Variants in DECR1 observed in about 807,000 individuals in gnomAD.
DECR1 encodes the protein 2,4-dienoyl-CoA reductase 1, also known as 2,4-dienoyl-CoA reductase [(3E)-enoyl-CoA-producing], mitochondrial.
Under a neutral mutation model 38.8 loss-of-function variants are expected in DECR1, and 44 were observed. That is an observed-to-expected ratio of 1.13 (90% confidence interval 0.89 to 1.46). The LOEUF is 1.46. Ranked by LOEUF, DECR1 falls within the 40% of genes most tolerant of loss-of-function variation. DECR1 has a pLI of 0.00. For missense variants in DECR1, 428 were observed against 405.5 expected (o/e 1.06, Z -0.48); for synonymous variants, 148 against 135.2 (o/e 1.09, Z -0.66).
At chr8:90,018,404 G>T (rs1813062814) in intron 2 of DECR1, among the ~76,000 whole-genome samples, 1 of 152,154 alleles carries the variant, frequency 6.6e-6, no homozygotes, top group Non-Finnish European at 1.5e-5. Flanking sequence ...AAGCCAAGTA[G>T]TCATCCAAAC....
chr8:90,046,265 C>G (rs1201721446), intron 8 of DECR1, among the ~76,000 whole-genome samples: 1 of 152,158 alleles, frequency 6.6e-6, no homozygotes, highest in Non-Finnish European at 1.5e-5. Context: ...GGTGTTGGAA[C>G]CCATCGCCAG....
intron 6 of DECR1, 113 bp downstream of exon 6, chr8:90,037,053 G>A (rs1813635349): frequency 4.2e-6 from 3 of 706,094 alleles, no homozygotes; most frequent in Non-Finnish European, 7.3e-6. Flanking sequence ...ACAAAGACTT[G>A]GATTCACCAT....
intron 2 of DECR1, among the ~76,000 whole-genome samples, chr8:90,018,032 G>A (rs1214830238): frequency 2.0e-5 from 3 of 152,022 alleles, no homozygotes; most frequent in African/African-American, 2.4e-5. Flanking sequence ...GATTACAGGC[G>A]CCTGCCACCA....
intron 8 of DECR1, among the ~76,000 whole-genome samples, chr8:90,050,114 T>C (rs1056392972): frequency 1.3e-5 from 2 of 152,214 alleles, no homozygotes; most frequent in African/African-American, 4.8e-5. Flanking sequence ...GACATAGGCA[T>C]GGACAAGGAC....
chr8:90,008,998 A>G (rs1192049069), intron 1 of DECR1, among the ~76,000 whole-genome samples: 2 of 152,144 alleles, frequency 1.3e-5, no homozygotes, highest in Non-Finnish European at 2.9e-5. Flanking sequence ...TCTACACTCC[A>G]TGGCAGCCAG....
At chr8:90,012,361 C>T (rs886102532) in intron 1 of DECR1, among the ~76,000 whole-genome samples, 1 of 152,014 alleles carries the variant, frequency 6.6e-6, no homozygotes, top group Non-Finnish European at 1.5e-5. Context: ...CCATGTTGGC[C>T]AGGTTGGTCT....
At chr8:90,005,235 A>G (rs146827757) in intron 1 of DECR1, 103 of 427,952 alleles carry the variant, frequency 2.4e-4, no homozygotes, top group Non-Finnish European at 5.1e-5. Flanking sequence ...GCTGGGGGAC[A>G]GGGTATGGTG....
At position 90,053,630 on chromosome 8, in the gene DECR1, T is replaced by G. The variant is rs1814145964; in HGVS notation, c.*1733T>G. 6.6e-6 allele frequency among the ~76,000 whole-genome samples: 1 copy of G among 152,168 alleles called. No individual in the cohort carries two copies. The highest frequency in any genetic ancestry group is 1.5e-5 in the Non-Finnish European group (1 of 68,022). On this transcript the variant is annotated 3_prime_UTR_variant, in exon 10 of 10. Coordinates refer to ENST00000220764, the MANE Select transcript of DECR1 (RefSeq NM_001359.2). Reference sequence around the variant, plus strand: ...TATAACTTAATAAATATTATTTTTTTCCAGTGTTGTCTCAACCTTTTTTAA... The same window carrying G: ...TATAACTTAATAAATATTATTTTTTGCCAGTGTTGTCTCAACCTTTTTTAA...
At chr8:90,049,855 C>A (rs1814024452) in intron 8 of DECR1, among the ~76,000 whole-genome samples, 1 of 152,052 alleles carries the variant, frequency 6.6e-6, no homozygotes, top group Admixed American at 6.6e-5. Context: ...CAGAACAGAG[C>A]CCTCAGAAAT....
chr8:90,038,769 T>A (rs550762020), intron 6 of DECR1, among the ~76,000 whole-genome samples: 2 of 152,286 alleles, frequency 1.3e-5, no homozygotes, highest in South Asian at 4.2e-4. Flanking sequence ...CTTTTAGTAG[T>A]CCCAGAGCAT....
At chr8:90,021,731 G>A (rs1239727898) in intron 5 of DECR1, among the ~76,000 whole-genome samples, 1 of 152,092 alleles carries the variant, frequency 6.6e-6, no homozygotes, top group East Asian at 1.9e-4. Flanking sequence ...ACATTTAGAA[G>A]ACAATAAGAT....
At chr8:90,028,181 A>C (rs1813402223) in intron 5 of DECR1, among the ~76,000 whole-genome samples, 1 of 152,098 alleles carries the variant, frequency 6.6e-6, no homozygotes, top group Non-Finnish European at 1.5e-5. Context: ...TTGTTACTTT[A>C]ACCTGAATCC....
Position 90,039,508 on chromosome 8 carries a change from A to G in DECR1, c.665+2568A>G, listed in dbSNP as rs1046151513. Among the ~76,000 whole-genome samples, 3 of 152,290 alleles carry G rather than the reference A, an allele frequency of 2.0e-5. 1 individual carries two copies. Among genetic ancestry groups the G allele is most frequent in the African/African-American group, 2.4e-5 (1 of 41,572 alleles). On this transcript the variant is annotated intron_variant, in intron 6 of 9. Coordinates refer to ENST00000220764, the MANE Select transcript of DECR1 (RefSeq NM_001359.2). ...CTGTCTTCAGGATTCAGTTATGTCT[A>G]CCTGGTCCCACCCTTGACATGTGGG...
At position 90,017,135 on chromosome 8, in the gene DECR1, T is replaced by C. The variant is rs757371248; in HGVS notation, c.81T>C (p.Tyr27=). 6.2e-7 allele frequency: 1 copy of C among 1,612,478 alleles called. No homozygotes were observed. Among genetic ancestry groups the C allele is most frequent in the Non-Finnish European group, 8.5e-7 (1 of 1,179,090 alleles). The change falls in exon 2 of 10, where the codon TAT becomes TAC. Residue 27 remains tyrosine (Y), a synonymous_variant. Transcript: ENST00000220764. ...CGLAPRRFFS[Y]GTKILYQNTE... The stretch of plus-strand genomic sequence containing the variant: ...TTTTCCCCTTTTAGTTTTTCAGTTA[T>C]GGGACAAAAATATTATATCAAAACA...
chr8:90,040,800 A>C (rs2130141877), intron 6 of DECR1, among the ~76,000 whole-genome samples: 1 of 152,286 alleles, frequency 6.6e-6, no homozygotes, highest in Admixed American at 6.5e-5. Flanking sequence ...AAAGTACATG[A>C]ACTCATCCTT....
chr8:90,052,921 G>T lies in DECR1; in HGVS notation c.*1024G>T, dbSNP rs1814132398. On this transcript the variant is annotated 3_prime_UTR_variant, in exon 10 of 10. Coordinates refer to ENST00000220764, the MANE Select transcript of DECR1 (RefSeq NM_001359.2). ...AACCAGCTTCCATCTTACCTCATCT[G>T]AATAAATCTGCCACAAGCCCATGGA... Among the ~76,000 whole-genome samples, 1 of 152,064 alleles carries T rather than the reference G, an allele frequency of 6.6e-6. No individual in the cohort carries two copies. The highest frequency in any genetic ancestry group is 1.5e-5 in the Non-Finnish European group (1 of 68,012).
At chr8:90,006,926 G>A (rs1337803383) in intron 1 of DECR1, among the ~76,000 whole-genome samples, 1 of 152,140 alleles carries the variant, frequency 6.6e-6, no homozygotes, top group African/African-American at 2.4e-5. Flanking sequence ...TCTTGAGTGA[G>A]GACATTAAGT....
Position 90,041,951 on chromosome 8 carries a change from A to G in DECR1, c.666-777A>G, listed in dbSNP as rs1217014666. 3.3e-5 allele frequency among the ~76,000 whole-genome samples: 5 copies of G among 152,152 alleles called. No individual in the cohort carries two copies. The East Asian group carries it at 7.7e-4, about 23-fold the overall frequency. On this transcript the variant is annotated intron_variant, in intron 6 of 9. Coordinates refer to ENST00000220764, the MANE Select transcript of DECR1 (RefSeq NM_001359.2). ...CTCGTCATTATTTGAAATTACATTA[A>G]GTATATATACACACAAATATACATA...
intron 5 of DECR1, among the ~76,000 whole-genome samples, chr8:90,032,702 C>T (rs937398767): frequency 6.6e-6 from 1 of 152,108 alleles, no homozygotes; most frequent in African/African-American, 2.4e-5. Context: ...AAACATGCTT[C>T]CTTAGATATG....
Sources: allele counts gnomAD v4.1 joint callset (sites outside exome capture counted in the v4.1 genomes callset), GRCh38; gene constraint gnomAD v4.1.1; transcripts MANE v1.5; gene names NCBI Gene and HGNC (gene_info 2026-07-23, HGNC 2026-07-21).